Variants in TOM1 observed in about 807,000 individuals in gnomAD.
TOM1 encodes the protein target of myb1 membrane trafficking protein, also known as target of Myb protein 1.
In TOM1, 38 loss-of-function variants were observed where a neutral mutation model predicts 61.3. That is an observed-to-expected ratio of 0.62 (90% confidence interval 0.48 to 0.81). The LOEUF (loss-of-function observed/expected upper bound fraction) is 0.81. Among genes scored for constraint, TOM1 ranks in the 40% least tolerant of loss-of-function variants. TOM1 has a pLI of 0.00. For synonymous variants in TOM1, 270 were observed against 268.8 expected (o/e 1.00, Z -0.04); for missense variants, 591 against 659.6 (o/e 0.90, Z 1.14).
At position 35,323,938 on chromosome 22, in the gene TOM1, C is replaced by T. The variant is rs373602081; in HGVS notation, c.648+24C>T. 3.4e-5 allele frequency: 52 copies of T among 1,530,368 alleles called. No individual in the cohort carries two copies. Among genetic ancestry groups the T allele is most frequent in the Middle Eastern group, 1.8e-4 (1 of 5,680 alleles). 94.8% of individuals were successfully genotyped at this position (1,530,368 alleles called of 1,614,324 possible). ...AGGTAAACGAGCCTGGGGTCAGAACCGTCAGGTCCAGGCAGGTGGGCCACA... is the reference window on the plus strand; with the variant it reads ...AGGTAAACGAGCCTGGGGTCAGAACTGTCAGGTCCAGGCAGGTGGGCCACA... On this transcript the variant is annotated intron_variant, in intron 6 of 14. Transcript: ENST00000449058. This position sits in a 1 kb window ranked among gnomAD's most constrained non-coding sequence, Gnocchi z 4.2.
intron 6 of TOM1, among the ~76,000 whole-genome samples, chr22:35,326,416 G>A (rs1209480335): frequency 6.6e-6 from 1 of 152,212 alleles, no homozygotes; most frequent in African/African-American, 2.4e-5. Flanking sequence ...TGAGGAGACT[G>A]CAGCTTTATT....
chr22:35,301,082 C>A (rs1285067790), intron 1 of TOM1, among the ~76,000 whole-genome samples: 1 of 151,300 alleles, frequency 6.6e-6, no homozygotes, highest in African/African-American at 2.4e-5. Flanking sequence ...CAGAAATTAG[C>A]CGGGCGTGGT....
Position 35,303,131 on chromosome 22 carries a change from A to AACAC in TOM1, c.52+3166_52+3169dup, listed in dbSNP as rs138739. On this transcript the variant is annotated intron_variant, in intron 1 of 14. Transcript: ENST00000449058. ...AAAGTTCTCATCCACCTCCCCTCCC[A>AACAC]ACACACACACACACACACCCCTTTG... Among the ~76,000 whole-genome samples the AACAC allele has an allele frequency of 4.0e-5, 6 of 149,176 alleles. No individual in the cohort carries two copies. The East Asian group carries it at 6.0e-4, about 15-fold the overall frequency.
chr22:35,347,331 C>G lies in TOM1; in HGVS notation c.*122C>G, dbSNP rs1601724805. On this transcript the variant is annotated 3_prime_UTR_variant, in exon 15 of 15. Transcript: ENST00000449058. ...GGTGGCTTGTTACCCCCTTTTCCTCCTCTTTGAAGACGGAGCTGCCCCAGC... is the reference window on the plus strand; with the variant it reads ...GGTGGCTTGTTACCCCCTTTTCCTCGTCTTTGAAGACGGAGCTGCCCCAGC... 3 of 1,085,370 alleles carry G rather than the reference C, an allele frequency of 2.8e-6. No homozygotes were observed. Among genetic ancestry groups the G allele is most frequent in the East Asian group, 5.2e-5 (2 of 38,184 alleles). 67.2% of individuals were successfully genotyped at this position (1,085,370 alleles called of 1,614,324 possible). A position where few individuals can be genotyped will look rare whatever the true frequency, so the allele number is the denominator to read the frequency against.
intron 6 of TOM1, 139 bp from the exon 7 acceptor site, chr22:35,327,132 G>A: frequency 1.3e-6 from 1 of 758,964 alleles, no homozygotes; most frequent in Non-Finnish European, 2.3e-6. Flanking sequence ...GAGCCAGGAG[G>A]GAGGCTGCCT....
chr22:35,341,579 T>C (rs1394408612), intron 12 of TOM1, among the ~76,000 whole-genome samples: 1 of 152,080 alleles, frequency 6.6e-6, no homozygotes, highest in Non-Finnish European at 1.5e-5. Flanking sequence ...CCACCTGGCC[T>C]CTCGTGGTCA....
chr22:35,322,703 G>C (rs1927908528), intron 3 of TOM1: 2 of 275,306 alleles, frequency 7.3e-6, no homozygotes, highest in South Asian at 7.9e-5. Flanking sequence ...GATGCTCCTT[G>C]ATTTCCTCTT....
At chr22:35,341,087 T>C (rs1327910079) in intron 12 of TOM1, among the ~76,000 whole-genome samples, 1 of 152,222 alleles carries the variant, frequency 6.6e-6, no homozygotes, top group Non-Finnish European at 1.5e-5. Context: ...TTTTCGGGTG[T>C]AAGCCATCAT....
intron 1 of TOM1, among the ~76,000 whole-genome samples, chr22:35,302,330 C>CTTTTTT (rs138734): frequency 5.9e-3 from 419 of 70,858 alleles, no homozygotes; most frequent in Middle Eastern, 0.012. Flanking sequence ...TTTTCTTTTT[C>CTTTTTT]TTTTTTTTTT....
intron 12 of TOM1, chr22:35,345,187 G>A (rs979704189): frequency 1.2e-5 from 2 of 161,158 alleles, no homozygotes; most frequent in African/African-American, 2.4e-5. Flanking sequence ...TTAACTTCGC[G>A]CCTCTGCTCT....
At chr22:35,310,355 C>G (rs112513225) in intron 1 of TOM1, among the ~76,000 whole-genome samples, 1 of 152,194 alleles carries the variant, frequency 6.6e-6, no homozygotes, top group Non-Finnish European at 1.5e-5. Context: ...GAGATCGAGA[C>G]CATCCTGGCC....
chr22:35,302,666 C>T (rs1178615245), intron 1 of TOM1, among the ~76,000 whole-genome samples: 1 of 152,092 alleles, frequency 6.6e-6, no homozygotes, highest in Non-Finnish European at 1.5e-5. Context: ...CCGGGTAATG[C>T]TAATGCTGTT....
rs919276129 is a variant in TOM1, at chr22:35,321,688, C to G, written c.138-271C>G. 34 of 539,784 alleles carry G rather than the reference C, an allele frequency of 6.3e-5. No individual in the cohort carries two copies. In the Admixed American group the frequency reaches 6.7e-4, roughly 11 times the overall value. 33.4% of individuals were successfully genotyped at this position (539,784 alleles called of 1,614,324 possible). ...TCCTGGGATTACAGGCATGAGCCAC[C>G]GCGCCCGGCCAGGTTCTGCACTTTT... On this transcript the variant is annotated intron_variant, in intron 2 of 14. Coordinates refer to ENST00000449058, the MANE Select transcript of TOM1 (RefSeq NM_005488.3).
intron 7 of TOM1, among the ~76,000 whole-genome samples, chr22:35,330,132 A>C (rs1028573706): frequency 1.3e-5 from 2 of 151,902 alleles, no homozygotes; most frequent in Non-Finnish European, 2.9e-5. Context: ...ACAAAAAAAA[A>C]AATTAGCCAG....
intron 10 of TOM1, 89 bp downstream of exon 10, chr22:35,333,586 C>A (rs1221337170): frequency 1.7e-6 from 2 of 1,165,272 alleles, no homozygotes; most frequent in South Asian, 1.3e-5. Flanking sequence ...TGTTATATAC[C>A]CACAGCAGAG....
intron 12 of TOM1, among the ~76,000 whole-genome samples, chr22:35,339,449 C>G (rs1373289967): frequency 6.6e-6 from 1 of 152,196 alleles, no homozygotes; most frequent in African/African-American, 2.4e-5. Flanking sequence ...GTCTCTTTAT[C>G]TGTACATTGG....
intron 11 of TOM1, 52 bp downstream of exon 11, chr22:35,334,500 G>A: frequency 6.2e-7 from 1 of 1,607,730 alleles, no homozygotes; most frequent in Non-Finnish European, 8.5e-7. Flanking sequence ...GGCTCTCGGG[G>A]TTCTGGAACC....
chr22:35,347,768 C>G lies in TOM1; in HGVS notation c.*559C>G, dbSNP rs1330441454. On this transcript the variant is annotated 3_prime_UTR_variant, in exon 15 of 15. Coordinates refer to ENST00000449058, the MANE Select transcript of TOM1 (RefSeq NM_005488.3). ...GCCCAGGTACGAAGCTGCAACTCTGCGCGCAGTGGGCGAGATCTCATCAGC... is the reference window on the plus strand; with the variant it reads ...GCCCAGGTACGAAGCTGCAACTCTGGGCGCAGTGGGCGAGATCTCATCAGC... 6.5e-6 allele frequency: 1 copy of G among 153,326 alleles called. No homozygotes were observed. Among genetic ancestry groups the G allele is most frequent in the Non-Finnish European group, 1.5e-5 (1 of 68,624 alleles). The allele number at this position is 153,326 out of a possible 1,614,324, so 9.5% of individuals were successfully genotyped here.
In TOM1 at chr22:35,317,860, T is replaced by G. The variant is rs1201191197; in HGVS notation, c.53-17T>G. ...CAGGACCCCCTCATGACTTTATGAC[T>G]CCTGGTTTCTTCTCAGAGAAAGCCA... On this transcript the variant is annotated splice_polypyrimidine_tract_variant and intron_variant, in intron 1 of 14. Transcript: ENST00000449058. 1 of 1,611,124 alleles carries G rather than the reference T, an allele frequency of 6.2e-7. No individual in the cohort carries two copies.
Sources: allele counts gnomAD v4.1 joint callset (sites outside exome capture counted in the v4.1 genomes callset), GRCh38; gene constraint gnomAD v4.1.1; non-coding constraint Gnocchi (gnomAD v3.1); transcripts MANE v1.5; gene names NCBI Gene and HGNC (gene_info 2026-07-23, HGNC 2026-07-21).